The following VAPB variants were observed in gnomAD, a reference collection of about 807,000 sequenced individuals.
VAPB encodes the protein vesicle-associated membrane protein-associated protein B/C.
Under a neutral mutation model 25.6 loss-of-function variants are expected in VAPB, and 7 were observed. The ratio of observed to expected loss-of-function variants is 0.27; its 90% CI spans 0.16 to 0.51. VAPB has a LOEUF of 0.51. VAPB is among the 20% of genes least tolerant of loss of function. The pLI, the probability that VAPB is intolerant of heterozygous loss-of-function variation, is 0.97. For synonymous variants in VAPB, 112 were observed against 109.2 expected, an observed-to-expected ratio of 1.03 and a Z score of -0.16; for missense variants, 266 against 301.3, an observed-to-expected ratio of 0.88 and a Z score of 0.87.
chr20:58,392,473 T>G (rs903494615), intron 1 of VAPB, among the ~76,000 whole-genome samples: 1 of 152,232 alleles, frequency 6.6e-6, no homozygotes, highest in Non-Finnish European at 1.5e-5. Context: ...CATCTGTGTG[T>G]GTTCTTAAAT....
At chr20:58,403,862 G>A (rs1988159488) in intron 1 of VAPB, among the ~76,000 whole-genome samples, 1 of 152,140 alleles carries the variant, frequency 6.6e-6, no homozygotes, top group Non-Finnish European at 1.5e-5. Context: ...ACTGACTGTG[G>A]CTTCTGGATC....
intron 1 of VAPB, among the ~76,000 whole-genome samples, chr20:58,391,915 C>G (rs1308779397): frequency 6.6e-6 from 1 of 152,202 alleles, no homozygotes; most frequent in Non-Finnish European, 1.5e-5. Flanking sequence ...AGACAAGAGT[C>G]AGATCTCAGT....
chr20:58,436,534 C>G (rs540885395), intron 3 of VAPB, among the ~76,000 whole-genome samples: 1 of 151,898 alleles, frequency 6.6e-6, no homozygotes, highest in African/African-American at 2.4e-5. Flanking sequence ...TCCATGTTGC[C>G]CAAGCTGGTC....
At chr20:58,436,991 A>AATTTTT (rs1989061716) in intron 3 of VAPB, among the ~76,000 whole-genome samples, 2 of 85,442 alleles carry the variant, frequency 2.3e-5, no homozygotes, top group East Asian at 3.7e-4. Flanking sequence ...CAAACTTTGA[A>AATTTTT]CTTTTTTTTT....
Position 58,389,311 on chromosome 20 carries a change from C to CG in VAPB, c.-149_-148insG. The CG allele has an allele frequency of 1.4e-6, 1 of 719,712 alleles. No homozygotes were observed. Among genetic ancestry groups the CG allele is most frequent in the Non-Finnish European group, 2.4e-6 (1 of 425,462 alleles). The allele number at this position is 719,712 out of a possible 1,614,324, so 44.6% of individuals were successfully genotyped here. ...TGCACCGCGTAGACCGACCCCCCCC[C>CG]AGCGCGCCCACCCGGTAGAGGACCC... On this transcript the variant is annotated 5_prime_UTR_variant, in exon 1 of 6. Coordinates refer to ENST00000475243, the MANE Select transcript of VAPB (RefSeq NM_004738.5).
rs1166433111 is a variant in VAPB, at chr20:58,446,601, C to T, written c.*2366C>T. Reference sequence around the variant, plus strand: ...AGGTGATTTAGAGTTTTGTGTACATCTAGGAGAAGGTGTTCAGCTTCTCAG... The same window carrying T: ...AGGTGATTTAGAGTTTTGTGTACATTTAGGAGAAGGTGTTCAGCTTCTCAG... On this transcript the variant is annotated 3_prime_UTR_variant, in exon 6 of 6. Transcript: ENST00000475243. 2 of 453,936 alleles carry T rather than the reference C, an allele frequency of 4.4e-6. No individual in the cohort carries two copies. The highest frequency in any genetic ancestry group is 8.8e-6 in the Non-Finnish European group (2 of 226,790). 28.1% of individuals were successfully genotyped at this position (453,936 alleles called of 1,614,324 possible). A position where few individuals can be genotyped will look rare whatever the true frequency, so the allele number is the denominator to read the frequency against.
chr20:58,444,106 A>G lies in VAPB; in HGVS notation c.603A>G (p.Thr201=), dbSNP rs779445781. The change falls in exon 6 of 6, where the codon ACA becomes ACG. Residue 201 remains threonine (T), a synonymous_variant. Transcript: ENST00000475243. ...AAGATGGACTGCGGATGAGGAAGAC[A>G]GTGCAGAGCAACAGCCCCATTTCAG... is the stretch of plus-strand genomic sequence containing the variant. The part of the protein sequence containing the change: ...KEEDGLRMRK[T]VQSNSPISAL... 8 of 1,614,238 alleles carry G rather than the reference A, an allele frequency of 5.0e-6. No homozygotes were observed. The highest frequency in any genetic ancestry group is 1.1e-5 in the South Asian group (1 of 91,088).
intron 1 of VAPB, among the ~76,000 whole-genome samples, chr20:58,398,473 T>C (rs899195056): frequency 7.9e-5 from 12 of 152,180 alleles, no homozygotes; most frequent in Non-Finnish European, 1.3e-4. Context: ...TACTGAAAGC[T>C]TCCTGTGGGC....
At chr20:58,442,657 A>G (rs532420964) in intron 5 of VAPB, among the ~76,000 whole-genome samples, 2 of 152,352 alleles carry the variant, frequency 1.3e-5, no homozygotes, top group African/African-American at 4.8e-5. Context: ...TGAGGGTCTA[A>G]TATGTGCCCG....
At chr20:58,391,810 G>C (rs1568695156) in intron 1 of VAPB, among the ~76,000 whole-genome samples, 1 of 152,226 alleles carries the variant, frequency 6.6e-6, no homozygotes, top group African/African-American at 2.4e-5. Flanking sequence ...TGGGATTACA[G>C]GCGTGAGCCC....
chr20:58,440,698 T>C, intron 4 of VAPB: 1 of 494,864 alleles, frequency 2.0e-6, no homozygotes, highest in Non-Finnish European at 3.6e-6. Context: ...ACTTCATTAT[T>C]TGCCCTTATC....
chr20:58,416,591 A>G (rs2123055980), intron 1 of VAPB, among the ~76,000 whole-genome samples: 1 of 152,156 alleles, frequency 6.6e-6, no homozygotes, highest in African/African-American at 2.4e-5. Context: ...TATGTCCAGA[A>G]TGTCCCTCTA....
intron 1 of VAPB, among the ~76,000 whole-genome samples, chr20:58,394,217 A>G (rs946014906): frequency 2.6e-5 from 4 of 152,266 alleles, no homozygotes; most frequent in African/African-American, 9.6e-5. Flanking sequence ...ACTCTAAATG[A>G]TAGTTTAAGG....
At chr20:58,391,250 A>G (rs192853467) in intron 1 of VAPB, among the ~76,000 whole-genome samples, 5 of 152,306 alleles carry the variant, frequency 3.3e-5, no homozygotes, top group Admixed American at 2.0e-4. Flanking sequence ...GCCAAGTTAT[A>G]TCAGCTGTAC....
At chr20:58,404,608 C>G (rs1451120142) in intron 1 of VAPB, among the ~76,000 whole-genome samples, 1 of 152,232 alleles carries the variant, frequency 6.6e-6, no homozygotes, top group Non-Finnish European at 1.5e-5. Flanking sequence ...TTCAGTGATG[C>G]ATTTAACCTC....
chr20:58,411,075 A>G (rs1230199360), intron 1 of VAPB, among the ~76,000 whole-genome samples: 1 of 152,166 alleles, frequency 6.6e-6, no homozygotes, highest in Non-Finnish European at 1.5e-5. Flanking sequence ...GTATGGTAAG[A>G]ATATGTTTAG....
At chr20:58,397,916 A>G (rs1448836663) in intron 1 of VAPB, among the ~76,000 whole-genome samples, 1 of 152,206 alleles carries the variant, frequency 6.6e-6, no homozygotes, top group African/African-American at 2.4e-5. Context: ...GTCATTTTCC[A>G]AGACGATGAT....
Position 58,389,312 on chromosome 20 carries a change from A to AC in VAPB, c.-148_-147insC. On this transcript the variant is annotated 5_prime_UTR_variant, in exon 1 of 6. Transcript: ENST00000475243. ...GCACCGCGTAGACCGACCCCCCCCCAGCGCGCCCACCCGGTAGAGGACCCC... is the reference window on the plus strand; with the variant it reads ...GCACCGCGTAGACCGACCCCCCCCCACGCGCGCCCACCCGGTAGAGGACCCC... The AC allele has an allele frequency of 9.7e-6, 1 of 102,784 alleles. No homozygotes were observed. The highest frequency in any genetic ancestry group is 1.9e-5 in the Non-Finnish European group (1 of 53,574). The allele number at this position is 102,784 out of a possible 1,614,324, so 6.4% of individuals were successfully genotyped here.
intron 2 of VAPB, among the ~76,000 whole-genome samples, chr20:58,430,056 A>AT (rs1279918539): frequency 6.6e-6 from 1 of 151,382 alleles, no homozygotes. Context: ...AAAAAAAAAA[A>AT]GTAAGACCCA....
Sources: allele counts gnomAD v4.1 joint callset (sites outside exome capture counted in the v4.1 genomes callset), GRCh38; gene constraint gnomAD v4.1.1; transcripts MANE v1.5; gene names NCBI Gene and HGNC (gene_info 2026-07-23, HGNC 2026-07-21).